PCDH15: variants seen among roughly 807,000 people sequenced by gnomAD.
PCDH15 encodes the protein protocadherin-15.
PCDH15 carries 129 observed loss-of-function variants against 178.5 expected under a neutral mutation model. That is an observed-to-expected ratio of 0.72 (90% CI 0.63 to 0.84). The LOEUF is 0.84. Ranked by LOEUF, PCDH15 falls within the 40% of genes least tolerant of loss-of-function variation. PCDH15 has a pLI of 0.00. For synonymous variants in PCDH15, 800 were observed against 732.0 expected, an observed-to-expected ratio of 1.09 and a Z score of -1.50; for missense variants, 2,230 against 2,099.9, an observed-to-expected ratio of 1.06 and a Z score of -1.21.
intron 2 of PCDH15, among the ~76,000 whole-genome samples, chr10:55,037,786 A>T (rs1840774441): frequency 1.3e-5 from 2 of 152,184 alleles, no homozygotes; most frequent in South Asian, 4.1e-4. Flanking sequence ...ATTTTCGTTC[A>T]ATATCTAATA....
intron 15 of PCDH15, among the ~76,000 whole-genome samples, chr10:54,096,688 G>A (rs1204286141): frequency 6.6e-6 from 1 of 151,918 alleles, no homozygotes; most frequent in Non-Finnish European, 1.5e-5. Flanking sequence ...TCCCCATAAG[G>A]GCACTGAATG....
chr10:53,898,452 C>T (rs11003923), intron 26 of PCDH15, among the ~76,000 whole-genome samples: 46,627 of 151,976 alleles, frequency 0.31, 9,141 homozygotes, highest in Middle Eastern at 0.54. Flanking sequence ...ATTTTCTTTT[C>T]GCACTCCTCA....
chr10:54,605,425 A>T (rs778422416), intron 2 of PCDH15, among the ~76,000 whole-genome samples: 1 of 151,808 alleles, frequency 6.6e-6, no homozygotes, highest in African/African-American at 2.4e-5. Flanking sequence ...GCAGTTGTGT[A>T]TTTGTTTGTT....
intron 2 of PCDH15, among the ~76,000 whole-genome samples, chr10:55,402,900 C>G (rs948410412): frequency 6.6e-6 from 1 of 151,974 alleles, no homozygotes; most frequent in Non-Finnish European, 1.5e-5. Flanking sequence ...AACAACCATA[C>G]TGTTTTCCAT....
At chr10:53,837,245 GAAAAAACTC>G (rs1452237437) in intron 29 of PCDH15, among the ~76,000 whole-genome samples, 3 of 151,602 alleles carry the variant, frequency 2.0e-5, no homozygotes, top group Non-Finnish European at 4.4e-5. Context: ...AATAAAAAAA[GAAAAAACTC>G]AAAATCAAAC....
chr10:53,906,603 G>A (rs1247783172), intron 25 of PCDH15, among the ~76,000 whole-genome samples: 1 of 151,994 alleles, frequency 6.6e-6, no homozygotes, highest in East Asian at 1.9e-4. Context: ...ATGATTAACT[G>A]AAACAAAAAG....
chr10:55,053,047 G>T (rs1841205402), intron 2 of PCDH15, among the ~76,000 whole-genome samples: 1 of 152,070 alleles, frequency 6.6e-6, no homozygotes, highest in South Asian at 2.1e-4. Context: ...ATCTCTAAAC[G>T]TACATGACAA....
intron 21 of PCDH15, among the ~76,000 whole-genome samples, chr10:53,962,107 A>T (rs1023867387): frequency 1.3e-5 from 2 of 152,162 alleles, no homozygotes; most frequent in African/African-American, 2.4e-5. Flanking sequence ...AGGTTATTTT[A>T]AAATGATTTA....
intron 2 of PCDH15, among the ~76,000 whole-genome samples, chr10:55,086,713 A>C (rs1344876467): frequency 6.6e-6 from 1 of 152,102 alleles, no homozygotes; most frequent in Admixed American, 6.6e-5. Context: ...CCAAAATGAC[A>C]CACAGTCAAT....
intron 2 of PCDH15, among the ~76,000 whole-genome samples, chr10:55,358,675 G>A (rs1460372556): frequency 6.6e-6 from 1 of 151,972 alleles, no homozygotes; most frequent in Non-Finnish European, 1.5e-5. Flanking sequence ...TGCAGTAGAT[G>A]GAATTTTGGT....
intron 2 of PCDH15, among the ~76,000 whole-genome samples, chr10:54,635,979 C>A (rs1565813182): frequency 6.7e-6 from 1 of 150,054 alleles, no homozygotes; most frequent in East Asian, 2.0e-4. Context: ...TAACCTCTCT[C>A]AAAAAAAAAT....
chr10:54,975,392 G>T (rs184871233), intron 2 of PCDH15, among the ~76,000 whole-genome samples: 1 of 152,228 alleles, frequency 6.6e-6, no homozygotes, highest in East Asian at 1.9e-4. Context: ...AGAGTTGCTG[G>T]CACATAATAA....
At chr10:55,419,113 T>C (rs2132043174) in intron 2 of PCDH15, among the ~76,000 whole-genome samples, 1 of 151,800 alleles carries the variant, frequency 6.6e-6, no homozygotes. Context: ...AAACTTCCTA[T>C]GATAATGAGA....
intron 20 of PCDH15, among the ~76,000 whole-genome samples, chr10:54,018,218 T>C (rs749657321): frequency 6.6e-6 from 1 of 152,174 alleles, no homozygotes; most frequent in Non-Finnish European, 1.5e-5. Context: ...GACATTTGTG[T>C]TGCACATGCA....
intron 20 of PCDH15, among the ~76,000 whole-genome samples, chr10:53,996,895 C>G (rs1346251383): frequency 1.3e-5 from 2 of 151,996 alleles, no homozygotes; most frequent in Non-Finnish European, 1.5e-5. Flanking sequence ...CTAGTAAAAA[C>G]AAAATTTAAA....
chr10:54,389,272 A>C (rs758325594), intron 3 of PCDH15, among the ~76,000 whole-genome samples: 1 of 152,334 alleles, frequency 6.6e-6, no homozygotes, highest in South Asian at 2.1e-4. Context: ...AAGTGTATAG[A>C]TAAAGGCTGG....
At chr10:53,820,994 T>C in intron 32 of PCDH15, 1 of 587,230 alleles carries the variant, frequency 1.7e-6, no homozygotes, top group Non-Finnish European at 2.1e-6. Flanking sequence ...TAAAAAGGAA[T>C]CTTATGAAAA....
At chr10:55,497,408 GCATCAGCCAC>G (rs1327623371) in intron 2 of PCDH15, among the ~76,000 whole-genome samples, 1 of 151,644 alleles carries the variant, frequency 6.6e-6, no homozygotes, top group African/African-American at 2.4e-5. Flanking sequence ...AGGATTACAA[GCATCAGCCAC>G]CGCGTCTGGC....
chr10:54,929,970 A>C (rs1837728477), intron 2 of PCDH15, among the ~76,000 whole-genome samples: 1 of 152,318 alleles, frequency 6.6e-6, no homozygotes, highest in Middle Eastern at 3.4e-3. Context: ...AATGAGAAGT[A>C]GTCCCCAAAT....
Sources: gnomAD v4.1 joint callset for allele counts (sites outside exome capture counted in the v4.1 genomes callset) on GRCh38, gnomAD v4.1.1 for gene constraint, MANE v1.5 for transcripts, NCBI Gene and HGNC (gene_info 2026-07-23, HGNC 2026-07-21) for gene names.